PTPN9: variants seen among roughly 807,000 people sequenced by gnomAD.
The protein encoded by PTPN9 is protein tyrosine phosphatase non-receptor type 9.
A neutral mutation model predicts 69.8 loss-of-function variants in PTPN9; 26 were observed. That is an observed-to-expected ratio of 0.37 (90% CI 0.27 to 0.52). The LOEUF is 0.52. Ranked by LOEUF, PTPN9 falls within the 20% of genes least tolerant of loss-of-function variation. The pLI is 0.91. For synonymous variants in PTPN9, 274 were observed against 272.5 expected, an observed-to-expected ratio of 1.01 and a Z score of -0.05; for missense variants, 549 against 740.3, an observed-to-expected ratio of 0.74 and a Z score of 3.00.
At chr15:75,502,403 G>A (rs1353948320) in intron 7 of PTPN9, among the ~76,000 whole-genome samples, 5 of 151,876 alleles carry the variant, frequency 3.3e-5, no homozygotes, top group East Asian at 3.9e-4. Flanking sequence ...AGCCGAGATC[G>A]TGCCATTGCA....
intron 1 of PTPN9, among the ~76,000 whole-genome samples, chr15:75,559,800 T>A (rs936615313): frequency 2.7e-5 from 4 of 147,774 alleles, no homozygotes; most frequent in Non-Finnish European, 6.0e-5. Flanking sequence ...AAAGAAAATA[T>A]TTGGGGTGGC....
intron 5 of PTPN9, among the ~76,000 whole-genome samples, chr15:75,516,303 C>CTTTT (rs750940118): frequency 7.5e-6 from 1 of 132,576 alleles, no homozygotes; most frequent in Non-Finnish European, 1.6e-5. Flanking sequence ...TATGTTTCTT[C>CTTTT]TTTTTTTTTT....
At chr15:75,571,994 G>A (rs4075522) in intron 1 of PTPN9, among the ~76,000 whole-genome samples, 53,939 of 151,970 alleles carry the variant, frequency 0.35, 10,954 homozygotes, top group African/African-American at 0.54. Context: ...AAAATACCCT[G>A]AACAGCTATA....
chr15:75,516,741 C>CTTTTTTTTTTTTTTTT (rs34906409), intron 5 of PTPN9, among the ~76,000 whole-genome samples: 2 of 87,928 alleles, frequency 2.3e-5, no homozygotes, highest in Non-Finnish European at 4.2e-5. Flanking sequence ...TGTTCCTGTG[C>CTTTTTTTTTTTTTTTT]TTTTTTTTTT....
chr15:75,539,972 G>A (rs1253020929), intron 1 of PTPN9, among the ~76,000 whole-genome samples: 3 of 152,182 alleles, frequency 2.0e-5, no homozygotes, highest in East Asian at 1.9e-4. Context: ...GAGCCGCCAC[G>A]TCTGGCCTGA....
intron 7 of PTPN9, among the ~76,000 whole-genome samples, chr15:75,492,290 T>C (rs1368124044): frequency 1.3e-5 from 2 of 152,116 alleles, no homozygotes. Flanking sequence ...AAAGTGACAG[T>C]GGAGACATCA....
chr15:75,504,108 C>A (rs1170712870), intron 7 of PTPN9, among the ~76,000 whole-genome samples: 5 of 121,828 alleles, frequency 4.1e-5, no homozygotes, highest in Admixed American at 7.8e-5. Flanking sequence ...CGGACAGCCG[C>A]CCCGTCCGGG....
In PTPN9 at chr15:75,575,437, G is replaced by A. The variant is rs2075167783; in HGVS notation, c.63+3277C>T. On this transcript the variant is annotated intron_variant, in intron 1 of 12. Coordinates refer to ENST00000618819, the MANE Select transcript of PTPN9 (RefSeq NM_002833.4). ...TCAAACTGACTCTCAAAAGTACAAG[G>A]ATTTTCCTACACTGAAGAAATTTCA... is the stretch of plus-strand genomic sequence containing the variant. Among the ~76,000 whole-genome samples, 4 of 151,994 alleles carry A rather than the reference G, an allele frequency of 2.6e-5. No homozygotes were observed. The South Asian group carries it at 8.3e-4, about 32-fold the overall frequency.
At chr15:75,545,141 A>G (rs2075026673) in intron 1 of PTPN9, among the ~76,000 whole-genome samples, 1 of 152,244 alleles carries the variant, frequency 6.6e-6, no homozygotes, top group Non-Finnish European at 1.5e-5. Context: ...AACACCAAGC[A>G]TAGTGACACC....
chr15:75,530,890 A>ATATAT (rs1303524866), intron 1 of PTPN9, among the ~76,000 whole-genome samples: 3 of 115,750 alleles, frequency 2.6e-5, no homozygotes, highest in Admixed American at 2.6e-4. Flanking sequence ...ATATATTATT[A>ATATAT]TATATTATAT....
intron 7 of PTPN9, among the ~76,000 whole-genome samples, chr15:75,503,350 C>G (rs980484776): frequency 6.9e-6 from 1 of 144,696 alleles, no homozygotes; most frequent in African/African-American, 2.6e-5. Flanking sequence ...AGGTGAGGAG[C>G]GTCTCTGCCC....
intron 9 of PTPN9, among the ~76,000 whole-genome samples, chr15:75,476,277 A>C (rs1281777838): frequency 6.6e-6 from 1 of 152,184 alleles, no homozygotes; most frequent in Non-Finnish European, 1.5e-5. Flanking sequence ...ATGAAACAAG[A>C]GATAGTATAG....
intron 1 of PTPN9, among the ~76,000 whole-genome samples, chr15:75,540,545 AAAAAAAAAAAAAAAAAAGAAAG>A (rs2075003699): frequency 8.0e-6 from 1 of 125,440 alleles, no homozygotes; most frequent in Non-Finnish European, 1.6e-5. Context: ...TCTGTCTCTA[AAAAAAAAAAAAAAAAAAGAAAG>A]AAAGAAAGAA....
At chr15:75,562,183 AC>A (rs1481190526) in intron 1 of PTPN9, among the ~76,000 whole-genome samples, 2 of 152,152 alleles carry the variant, frequency 1.3e-5, no homozygotes, top group Non-Finnish European at 2.9e-5. Flanking sequence ...CAAAGAGCAG[AC>A]CTTCTATTCT....
rs576689704 is a variant in PTPN9, at chr15:75,517,206, T to A, written c.528+53A>T. The A allele has an allele frequency of 1.2e-4, 156 of 1,307,074 alleles. 1 individual carries two copies. In the Middle Eastern group the frequency reaches 1.5e-3, roughly 13 times the overall value. 81.0% of individuals were successfully genotyped at this position (1,307,074 alleles called of 1,614,324 possible). On this transcript the variant is annotated intron_variant, in intron 5 of 12. Transcript: ENST00000618819. The stretch of plus-strand genomic sequence containing the variant: ...ATCTTTTCCCAAAGAATTAAAAAAA[T>A]ATATATATCCCAAGCATTGAAGGAA...
intron 1 of PTPN9, among the ~76,000 whole-genome samples, chr15:75,546,017 C>CT (rs979727853): frequency 2.6e-5 from 4 of 152,170 alleles, no homozygotes; most frequent in African/African-American, 9.6e-5. Context: ...CCATAAAAAT[C>CT]TGAGTCTGGC....
At chr15:75,557,593 C>G (rs1209882824) in intron 1 of PTPN9, among the ~76,000 whole-genome samples, 1 of 152,124 alleles carries the variant, frequency 6.6e-6, no homozygotes, top group Non-Finnish European at 1.5e-5. Context: ...AAAGTGTTTT[C>G]CACAGTGGCT....
intron 5 of PTPN9, 22 bp from the exon 6 acceptor site, chr15:75,509,049 A>G (rs757153420): frequency 1.3e-6 from 2 of 1,589,930 alleles, no homozygotes; most frequent in Non-Finnish European, 1.7e-6. Context: ...ACACATGAGG[A>G]TTTAAGTGTA....
chr15:75,480,673 C>A (rs993947740), intron 8 of PTPN9: 2 of 1,255,264 alleles, frequency 1.6e-6, no homozygotes, highest in South Asian at 1.7e-5. Context: ...GAAGCGGAGC[C>A]GCTGCCGCGA....
Sources: gnomAD v4.1 joint callset for allele counts (sites outside exome capture counted in the v4.1 genomes callset) on GRCh38, gnomAD v4.1.1 for gene constraint, MANE v1.5 for transcripts, NCBI Gene and HGNC (gene_info 2026-07-23, HGNC 2026-07-21) for gene names.